TAAR5: variants seen among roughly 807,000 people sequenced by gnomAD.
TAAR5 encodes trace amine-associated receptor 5.
TAAR5 carries 27 observed loss-of-function variants against 21.1 expected under a neutral mutation model. The ratio of observed to expected loss-of-function variants is 1.28; its 90% CI spans 0.94 to 1.76. The LOEUF is 1.76. Among genes scored for constraint, TAAR5 ranks in the 40% most tolerant of loss-of-function variants. The pLI is 0.00. For missense variants in TAAR5, 495 were observed against 405.6 expected, an observed-to-expected ratio of 1.22 and a Z score of -1.89; for synonymous variants, 203 against 167.5, an observed-to-expected ratio of 1.21 and a Z score of -1.64.
upstream of TAAR5, among the ~76,000 whole-genome samples, chr6:132,591,179 A>C (rs1776900841): frequency 6.6e-6 from 1 of 152,144 alleles, no homozygotes; most frequent in Admixed American, 6.6e-5. Context: ...GTACAATTAT[A>C]CCTGTGTAAC....
At chr6:132,594,496 A>T (rs1212331786), upstream of TAAR5, 1 of 152,266 alleles carries the variant, frequency 6.6e-6, no homozygotes, top group Non-Finnish European at 1.5e-5. Context: ...AAAGCATGCC[A>T]TATAAAATGG....
At chr6:132,596,302 T>G in the TAAR5 span, among the ~76,000 whole-genome samples, 2 of 152,180 alleles carry the variant, frequency 1.3e-5, no homozygotes, top group Non-Finnish European at 2.9e-5. Flanking sequence ...AATGTGAAAA[T>G]AATGGGACTG....
At chr6:132,614,814 G>A in the TAAR5 span, among the ~76,000 whole-genome samples, 88 of 152,228 alleles carry the variant, frequency 5.8e-4, no homozygotes, top group African/African-American at 2.1e-3. Flanking sequence ...AAGGGATATT[G>A]AAATACCCTG....
At chr6:132,611,893 G>C in the TAAR5 span, among the ~76,000 whole-genome samples, 1 of 152,152 alleles carries the variant, frequency 6.6e-6, no homozygotes, top group Non-Finnish European at 1.5e-5. Flanking sequence ...ACTTTTGCAT[G>C]ACTGTTCAGA....
the TAAR5 span, among the ~76,000 whole-genome samples, chr6:132,604,446 G>GT: frequency 6.6e-6 from 1 of 151,718 alleles, no homozygotes; most frequent in Non-Finnish European, 1.5e-5. Flanking sequence ...CCAGGCTGAC[G>GT]TATCTTTTCT....
chr6:132,612,268 C>T, the TAAR5 span, among the ~76,000 whole-genome samples: 77 of 152,234 alleles, frequency 5.1e-4, 1 homozygote, highest in South Asian at 0.016. Context: ...CTAGTATACG[C>T]TAGAGATATA....
In TAAR5 at chr6:132,589,657, T is replaced by C; in HGVS notation, c.30A>G (p.Glu10=). 2.5e-6 allele frequency: 4 copies of C among 1,595,188 alleles called. No homozygotes were observed. Among genetic ancestry groups the C allele is most frequent in the Non-Finnish European group, 3.4e-6 (4 of 1,171,016 alleles). The change falls in exon 1 of 1, where the codon GAA becomes GAG. Residue 10 remains glutamate, a synonymous_variant. Coordinates refer to ENST00000258034, the MANE Select transcript of TAAR5 (RefSeq NM_003967.3). The part of the protein sequence containing the change: MRAVFIQGA[E]EHPAAFCYQV... ...GGTAGCAGAATGCCGCAGGGTGCTC[T>C]TCAGCACCTTGGATGAAGACAGCTC...
chr6:132,611,581 T>A, the TAAR5 span, among the ~76,000 whole-genome samples: 5 of 152,316 alleles, frequency 3.3e-5, no homozygotes, highest in Admixed American at 1.3e-4. Context: ...GTATCCATAG[T>A]AATTTTAAAA....
At chr6:132,615,877 AACACAC>A in the TAAR5 span, among the ~76,000 whole-genome samples, 29,360 of 145,100 alleles carry the variant, frequency 0.2, 2,968 homozygotes, top group Middle Eastern at 0.36. Context: ...ACCATGTATA[AACACAC>A]ACACACACAC....
At chr6:132,600,174 G>A in the TAAR5 span, among the ~76,000 whole-genome samples, 1 of 152,128 alleles carries the variant, frequency 6.6e-6, no homozygotes, top group African/African-American at 2.4e-5. Context: ...CTGGTTCCTC[G>A]AGAGTTTGGA....
chr6:132,597,215 T>C, the TAAR5 span, among the ~76,000 whole-genome samples: 2 of 152,122 alleles, frequency 1.3e-5, no homozygotes. Context: ...TTAACAGTAT[T>C]CTCTCATATA....
the TAAR5 span, among the ~76,000 whole-genome samples, chr6:132,609,700 A>G: frequency 3.3e-5 from 5 of 152,226 alleles, no homozygotes; most frequent in Admixed American, 6.5e-5. Context: ...CTTGCATCAT[A>G]AAAATTACTC....
At chr6:132,598,859 G>A in the TAAR5 span, among the ~76,000 whole-genome samples, 1 of 152,264 alleles carries the variant, frequency 6.6e-6, no homozygotes, top group African/African-American at 2.4e-5. Flanking sequence ...AAGGGAGGAA[G>A]AGAGGAAGAG....
At chr6:132,605,398 A>G in the TAAR5 span, among the ~76,000 whole-genome samples, 1 of 152,228 alleles carries the variant, frequency 6.6e-6, no homozygotes, top group Non-Finnish European at 1.5e-5. Context: ...ATTCCGTATA[A>G]CCTTACAGCT....
At chr6:132,604,635 A>T in the TAAR5 span, among the ~76,000 whole-genome samples, 1,489 of 152,284 alleles carry the variant, frequency 9.8e-3, 22 homozygotes, top group African/African-American at 0.033. Context: ...GAGAGATTCG[A>T]CGTGCAAGGA....
At chr6:132,595,650 G>A in the TAAR5 span, among the ~76,000 whole-genome samples, 21,530 of 152,126 alleles carry the variant, frequency 0.14, 2,003 homozygotes, top group East Asian at 0.26. Context: ...GTCACCTAGG[G>A]ATCTTTTTAA....
chr6:132,605,936 T>C, the TAAR5 span, among the ~76,000 whole-genome samples: 3 of 138,216 alleles, frequency 2.2e-5, no homozygotes, highest in Admixed American at 1.4e-4. Context: ...ATCAAAAGAA[T>C]GGAATAGCAT....
At chr6:132,606,403 C>T in the TAAR5 span, among the ~76,000 whole-genome samples, 1 of 152,122 alleles carries the variant, frequency 6.6e-6, no homozygotes, top group Non-Finnish European at 1.5e-5. Context: ...TGGAGAAAGT[C>T]AATTTTAATG....
At chr6:132,595,628 G>C in the TAAR5 span, among the ~76,000 whole-genome samples, 1 of 152,116 alleles carries the variant, frequency 6.6e-6, no homozygotes, top group Non-Finnish European at 1.5e-5. Context: ...CTAAAGCTTT[G>C]CATGCATACA....
Sources: gnomAD v4.1 joint callset for allele counts (sites outside exome capture counted in the v4.1 genomes callset) on GRCh38, gnomAD v4.1.1 for gene constraint, MANE v1.5 for transcripts, NCBI Gene and HGNC (gene_info 2026-07-23, HGNC 2026-07-21) for gene names.